Variants in RARB observed in about 807,000 individuals in gnomAD.
RARB encodes the protein retinoic acid receptor beta, also known as HBV-activated protein.
Under a neutral mutation model 51.9 loss-of-function variants are expected in RARB, and 17 were observed. The observed-to-expected ratio is 0.33, with a 90% CI of 0.22 to 0.49. The LOEUF (loss-of-function observed/expected upper bound fraction) is 0.49. Among genes scored for constraint, RARB ranks in the 20% least tolerant of loss-of-function variants. The pLI, the probability that RARB is intolerant of heterozygous loss-of-function variation, is 0.99. For synonymous variants in RARB, 215 were observed against 195.4 expected (o/e 1.10, Z -0.84); for missense variants, 369 against 550.8 (o/e 0.67, Z 3.30).
chr3:25,174,295 C>G, exon 5 of RARB: 2 of 1,023,302 alleles, frequency 2.0e-6, no homozygotes, highest in South Asian at 1.4e-5. Context: ...GAACACAGCT[C>G]AGCCTCAACT....
intron 5 of RARB, among the ~76,000 whole-genome samples, chr3:25,219,609 C>T (rs1388251474): frequency 1.3e-5 from 2 of 152,070 alleles, no homozygotes; most frequent in Non-Finnish European, 2.9e-5. Flanking sequence ...GCTGAAGGGC[C>T]GCATGCTGCC....
At chr3:25,329,629 G>A (rs893530757) in intron 5 of RARB, among the ~76,000 whole-genome samples, 8 of 152,292 alleles carry the variant, frequency 5.3e-5, no homozygotes, top group South Asian at 2.1e-4. Context: ...GCAGCTGCTC[G>A]ACAGCAATGG....
intron 5 of RARB, among the ~76,000 whole-genome samples, chr3:25,395,528 G>C (rs1707090054): frequency 2.6e-5 from 4 of 152,088 alleles, no homozygotes; most frequent in Non-Finnish European, 5.9e-5. Flanking sequence ...TCTTGCTTGG[G>C]AACACCAATT....
chr3:25,411,302 G>C (rs1352901540), intron 5 of RARB, among the ~76,000 whole-genome samples: 2 of 152,182 alleles, frequency 1.3e-5, no homozygotes, highest in African/African-American at 4.8e-5. Flanking sequence ...GACTTACAGA[G>C]ACCAGGTTTT....
intron 2 of RARB, among the ~76,000 whole-genome samples, chr3:25,010,011 G>A (rs1287052296): frequency 6.6e-6 from 1 of 152,108 alleles, no homozygotes; most frequent in African/African-American, 2.4e-5. Flanking sequence ...CCTTCTGCCA[G>A]TCCCAAATGC....
At chr3:25,354,357 G>A (rs1013343088) in intron 5 of RARB, among the ~76,000 whole-genome samples, 2 of 152,092 alleles carry the variant, frequency 1.3e-5, no homozygotes, top group South Asian at 4.2e-4. Flanking sequence ...GGTTATGATT[G>A]TGTGTACCCT....
At chr3:25,233,294 ATAT>A (rs1301407968) in intron 5 of RARB, among the ~76,000 whole-genome samples, 2 of 151,962 alleles carry the variant, frequency 1.3e-5, no homozygotes, top group Non-Finnish European at 2.9e-5. Flanking sequence ...TATTTTGAAC[ATAT>A]TATAGGTTTA....
intron 5 of RARB, among the ~76,000 whole-genome samples, chr3:25,240,785 T>C (rs1249755525): frequency 6.6e-6 from 1 of 152,154 alleles, no homozygotes; most frequent in African/African-American, 2.4e-5. Flanking sequence ...TATTAGCCTG[T>C]AGTTTTCTTT....
intron 5 of RARB, among the ~76,000 whole-genome samples, chr3:25,192,543 C>G (rs765715618): frequency 6.6e-6 from 1 of 152,074 alleles, no homozygotes; most frequent in Non-Finnish European, 1.5e-5. Context: ...TAGTACTGCT[C>G]TTTACTCATC....
intron 5 of RARB, among the ~76,000 whole-genome samples, chr3:25,581,074 T>A (rs1283887931): frequency 6.6e-6 from 1 of 152,188 alleles, no homozygotes; most frequent in Non-Finnish European, 1.5e-5. Flanking sequence ...TGTAAGTTAC[T>A]GAGTAATCAT....
chr3:24,905,738 G>T (rs777316911), intron 2 of RARB, among the ~76,000 whole-genome samples: 2 of 152,148 alleles, frequency 1.3e-5, no homozygotes, highest in Non-Finnish European at 2.9e-5. Flanking sequence ...ACTGGGGCCT[G>T]GGCCTTTAAA....
In RARB at chr3:25,029,859, T is replaced by C. The variant is rs993262672; in HGVS notation, c.-379-30266T>C. On this transcript the variant is annotated intron_variant, in intron 2 of 11. Coordinates refer to the RARB transcript ENST00000383772. ...AGAGTAGAAGTCAGAAATCCTTTAG[T>C]TGCATTTAGCTTTCATAGAACACTG... 5.3e-5 allele frequency among the ~76,000 whole-genome samples: 8 copies of C among 152,336 alleles called. No homozygotes were observed. The East Asian group carries it at 1.2e-3, about 22-fold the overall frequency.
At chr3:24,971,760 A>C (rs1463840465) in intron 2 of RARB, among the ~76,000 whole-genome samples, 2 of 151,996 alleles carry the variant, frequency 1.3e-5, no homozygotes, top group Non-Finnish European at 2.9e-5. Flanking sequence ...TGCGCTGGCT[A>C]TTTGGTGTAT....
rs140050230 is a variant in RARB, at chr3:25,541,282, C to T, written c.449-28476C>T. Among the ~76,000 whole-genome samples, 353 of 152,314 alleles carry T rather than the reference C, an allele frequency of 2.3e-3. 2 individuals are homozygous for T. Among genetic ancestry groups the T allele is most frequent in the African/African-American group, 8.1e-3 (337 of 41,572 alleles). ...TTCAGCCTCTCAGCTGCCTTTGGCT[C>T]TCTCCACCAATTCTTGAAAATACTT... On this transcript the variant is annotated intron_variant, in intron 3 of 7. Coordinates refer to ENST00000330688, the MANE Select transcript of RARB (RefSeq NM_000965.5).
intron 2 of RARB, among the ~76,000 whole-genome samples, chr3:25,016,777 G>A (rs1359482500): frequency 1.3e-5 from 2 of 152,030 alleles, no homozygotes; most frequent in Non-Finnish European, 1.5e-5. Context: ...GGAATGAGGA[G>A]TAGGAGTCTT....
At chr3:25,253,917 A>T in intron 5 of RARB, among the ~76,000 whole-genome samples, 1 of 152,168 alleles carries the variant, frequency 6.6e-6, no homozygotes, top group Non-Finnish European at 1.5e-5. Context: ...TGTTAGTTAG[A>T]AGGGCTAGGA....
chr3:24,874,103 C>A (rs1215549810), intron 2 of RARB, among the ~76,000 whole-genome samples: 2 of 151,992 alleles, frequency 1.3e-5, no homozygotes, highest in Non-Finnish European at 2.9e-5. Flanking sequence ...GCAAATACTA[C>A]TCCATAGGAA....
At chr3:25,341,991 TAGA>T (rs1194262513) in intron 5 of RARB, among the ~76,000 whole-genome samples, 1 of 152,212 alleles carries the variant, frequency 6.6e-6, no homozygotes, top group African/African-American at 2.4e-5. Flanking sequence ...CAACACTTCG[TAGA>T]AGAAGAAATG....
chr3:25,481,276 C>G (rs990251551), intron 2 of RARB, among the ~76,000 whole-genome samples: 1 of 152,124 alleles, frequency 6.6e-6, no homozygotes, highest in Non-Finnish European at 1.5e-5. Context: ...AAGACTGTGT[C>G]GGCCACCACT....
Sources: gnomAD v4.1 joint callset for allele counts (sites outside exome capture counted in the v4.1 genomes callset) on GRCh38, gnomAD v4.1.1 for gene constraint, MANE v1.5 for transcripts, NCBI Gene and HGNC (gene_info 2026-07-23, HGNC 2026-07-21) for gene names.